Variants in AGBL1 observed in about 807,000 individuals in gnomAD.
AGBL1 encodes the protein cytosolic carboxypeptidase 4.
In AGBL1, 130 loss-of-function variants were observed where a neutral mutation model predicts 118.9. The observed-to-expected ratio is 1.09, with a 90% CI of 0.95 to 1.26. The LOEUF (loss-of-function observed/expected upper bound fraction) is 1.26, where lower values mean the gene tolerates loss of function less well. Among genes scored for constraint, AGBL1 ranks in the 50% most tolerant of loss-of-function variants. AGBL1 has a pLI of 0.00. For missense variants in AGBL1, 1,584 were observed against 1,298.1 expected, an observed-to-expected ratio of 1.22 and a Z score of -3.38; for synonymous variants, 555 against 478.9, an observed-to-expected ratio of 1.16 and a Z score of -2.08.
intron 22 of AGBL1, among the ~76,000 whole-genome samples, chr15:86,862,164 A>G (rs1339655177): frequency 6.6e-6 from 1 of 152,296 alleles, no homozygotes; most frequent in East Asian, 1.9e-4. Context: ...CACAAACCAT[A>G]GTCTCTACGC....
chr15:86,821,808 T>C (rs1353216285), intron 22 of AGBL1, among the ~76,000 whole-genome samples: 1 of 152,186 alleles, frequency 6.6e-6, no homozygotes, highest in Non-Finnish European at 1.5e-5. Flanking sequence ...ACCTTTAAGG[T>C]GCTGCTTCAG....
chr15:86,357,297 T>G (rs1014264094), intron 17 of AGBL1, among the ~76,000 whole-genome samples: 9 of 152,150 alleles, frequency 5.9e-5, no homozygotes, highest in African/African-American at 2.2e-4. Flanking sequence ...ATTAGCTAAT[T>G]TGTGTGATAA....
chr15:86,254,256 G>A (rs541706042), intron 7 of AGBL1, among the ~76,000 whole-genome samples: 11 of 152,240 alleles, frequency 7.2e-5, no homozygotes, highest in Non-Finnish European at 1.3e-4. Context: ...CTTACTATTC[G>A]GCACTTGCCT....
intron 5 of AGBL1, among the ~76,000 whole-genome samples, chr15:86,196,709 C>T (rs533821389): frequency 5.9e-5 from 9 of 152,172 alleles, no homozygotes; most frequent in East Asian, 5.8e-4. Flanking sequence ...CCCTAACCCC[C>T]AATGTTACTG....
intron 22 of AGBL1, among the ~76,000 whole-genome samples, chr15:86,807,750 G>A (rs969370623): frequency 6.6e-6 from 1 of 152,046 alleles, no homozygotes; most frequent in Non-Finnish European, 1.5e-5. Flanking sequence ...ATATGACTTG[G>A]CCTCTCTGAA....
At chr15:86,144,407 G>A (rs1201038091) in intron 3 of AGBL1, among the ~76,000 whole-genome samples, 3 of 152,058 alleles carry the variant, frequency 2.0e-5, no homozygotes, top group African/African-American at 7.2e-5. Flanking sequence ...ACAAAGACAC[G>A]GACTCAACCT....
chr15:86,348,872 A>T (rs943866174), intron 17 of AGBL1, among the ~76,000 whole-genome samples: 2 of 151,966 alleles, frequency 1.3e-5, no homozygotes, highest in Admixed American at 6.6e-5. Context: ...ACCCAAATTC[A>T]TGTCCATTCA....
intron 18 of AGBL1, among the ~76,000 whole-genome samples, chr15:86,431,091 C>T (rs1308290147): frequency 6.6e-6 from 1 of 152,078 alleles, no homozygotes; most frequent in Admixed American, 6.5e-5. Flanking sequence ...TTTTAATGGA[C>T]CTGTTTGCTT....
intron 24 of AGBL1, among the ~76,000 whole-genome samples, chr15:87,009,554 G>A (rs1266806981): frequency 6.6e-6 from 1 of 152,234 alleles, no homozygotes; most frequent in African/African-American, 2.4e-5. Context: ...CAGTGGAACT[G>A]TGAGAAGAGG....
intron 5 of AGBL1, among the ~76,000 whole-genome samples, chr15:86,197,349 G>T (rs1347531136): frequency 6.6e-6 from 1 of 152,228 alleles, no homozygotes; most frequent in Non-Finnish European, 1.5e-5. Flanking sequence ...CAGCGCGATG[G>T]AAAGAACGTT....
intron 22 of AGBL1, among the ~76,000 whole-genome samples, chr15:86,724,814 C>G (rs895041979): frequency 6.6e-6 from 1 of 152,140 alleles, no homozygotes; most frequent in Non-Finnish European, 1.5e-5. Context: ...CCTCCGTCTT[C>G]TCTCTCTTGC....
At chr15:86,917,264 A>T (rs2080435846), downstream of AGBL1, among the ~76,000 whole-genome samples, 1 of 152,108 alleles carries the variant, frequency 6.6e-6, no homozygotes, top group African/African-American at 2.4e-5. This position sits in a 1 kb window ranked among gnomAD's most constrained non-coding sequence, Gnocchi z 4.8. Context: ...GGTTGTTCAG[A>T]GAGAGTTCTT....
intron 9 of AGBL1, 200 bp from the exon 10 acceptor site, chr15:86,262,578 A>G (rs1344981416): frequency 1.6e-6 from 1 of 644,236 alleles, no homozygotes; most frequent in African/African-American, 1.8e-5. Flanking sequence ...AAATGCTGAG[A>G]CAAGTCCTTT....
intron 5 of AGBL1, among the ~76,000 whole-genome samples, chr15:86,193,671 C>A (rs947041932): frequency 6.6e-6 from 1 of 152,102 alleles, no homozygotes; most frequent in Non-Finnish European, 1.5e-5. Context: ...AACAAGGGAT[C>A]GTGTTTCTTA....
At chr15:86,829,900 A>T (rs973396640) in intron 22 of AGBL1, among the ~76,000 whole-genome samples, 8 of 152,142 alleles carry the variant, frequency 5.3e-5, no homozygotes, top group Non-Finnish European at 8.8e-5. Flanking sequence ...CCCTGGCCTA[A>T]GGATTAAACG....
At chr15:86,410,964 G>A (rs1406991760) in intron 18 of AGBL1, among the ~76,000 whole-genome samples, 1 of 119,792 alleles carries the variant, frequency 8.3e-6, no homozygotes, top group East Asian at 2.9e-4. Context: ...GAGAGATCTT[G>A]TTAAAGTTTT....
intron 18 of AGBL1, among the ~76,000 whole-genome samples, chr15:86,486,176 T>G (rs1160745193): frequency 6.6e-6 from 1 of 152,150 alleles, no homozygotes; most frequent in Admixed American, 6.6e-5. Flanking sequence ...TGCAGGGTTC[T>G]TAGCACAATG....
At chr15:86,671,826 A>G (rs1364747553) in intron 21 of AGBL1, among the ~76,000 whole-genome samples, 1 of 152,142 alleles carries the variant, frequency 6.6e-6, no homozygotes, top group Non-Finnish European at 1.5e-5. Flanking sequence ...TAGAGTCGCT[A>G]TTTACCCATT....
intron 17 of AGBL1, among the ~76,000 whole-genome samples, chr15:86,337,880 T>C (rs2080398666): frequency 6.6e-6 from 1 of 152,046 alleles, no homozygotes; most frequent in African/African-American, 2.4e-5. Flanking sequence ...AAAAATGCAC[T>C]TAAAAATAAA....
Sources: allele counts gnomAD v4.1 joint callset (sites outside exome capture counted in the v4.1 genomes callset), GRCh38; gene constraint gnomAD v4.1.1; non-coding constraint Gnocchi (gnomAD v3.1); transcripts MANE v1.5; gene names NCBI Gene and HGNC (gene_info 2026-07-23, HGNC 2026-07-21).